The following PDZD7 variants were observed in gnomAD, a reference collection of about 807,000 sequenced individuals.
PDZD7 encodes PDZ domain-containing protein 7.
PDZD7 carries 72 observed loss-of-function variants against 84.7 expected under a neutral mutation model. The ratio of observed to expected loss-of-function variants is 0.85; its 90% CI spans 0.70 to 1.03. The LOEUF (loss-of-function observed/expected upper bound fraction) is 1.03. PDZD7 is among the 50% of genes least tolerant of loss of function. The pLI, the probability that PDZD7 is intolerant of heterozygous loss-of-function variation, is 0.00. For missense variants in PDZD7, 1,490 were observed against 1,412.9 expected (o/e 1.05, Z -0.87); for synonymous variants, 594 against 580.7 (o/e 1.02, Z -0.33).
intron 2 of PDZD7, among the ~76,000 whole-genome samples, chr10:101,029,783 C>T (rs1390967932): frequency 3.9e-5 from 6 of 152,150 alleles, no homozygotes; most frequent in African/African-American, 1.2e-4. Flanking sequence ...GACCCTTCTA[C>T]GACCCTGGAC....
At chr10:101,030,421 A>C in intron 1 of PDZD7, 37 bp from the exon 2 acceptor site, 1 of 684,230 alleles carries the variant, frequency 1.5e-6, no homozygotes, top group South Asian at 1.5e-5. Flanking sequence ...AGGGGTGTAA[A>C]TGTTTCCCCT....
intron 3 of PDZD7, 44 bp downstream of exon 3, chr10:101,023,884 A>G: frequency 6.2e-7 from 1 of 1,613,978 alleles, no homozygotes; most frequent in Non-Finnish European, 8.5e-7. Context: ...CTGAGATTGG[A>G]GTCACATCCT....
At position 101,019,031 on chromosome 10, in the gene PDZD7, G is replaced by A. The variant is rs377765391; in HGVS notation, c.1115C>T (p.Thr372Met). The A allele has an allele frequency of 3.9e-5, 61 of 1,573,398 alleles. No homozygotes were observed. The highest frequency in any genetic ancestry group is 5.0e-5 in the Non-Finnish European group (58 of 1,163,614). The change falls in exon 8 of 17, where the codon ACG becomes ATG. Residue 372 changes from threonine (T) to methionine (M), a missense_variant. Thr to Met is a moderately conservative substitution (Grantham distance 81, BLOSUM62 -1). Transcript: ENST00000619208. ...CACCCGGCCTCCCGCATCGGGCTCCGTCTGCATGGCTGTGTCCGCCCGCCC... is the reference window on the plus strand; with the variant it reads ...CACCCGGCCTCCCGCATCGGGCTCCATCTGCATGGCTGTGTCCGCCCGCCC... ...GWGRADTAMQ[T>M]EPDAGGRVET...
At chr10:101,025,659 T>C (rs891834615) in intron 2 of PDZD7, among the ~76,000 whole-genome samples, 1 of 151,732 alleles carries the variant, frequency 6.6e-6, no homozygotes, top group Non-Finnish European at 1.5e-5. Context: ...GCTATTCTCC[T>C]GCCTCAGCCT....
chr10:101,012,994 C>T (rs369053610), intron 11 of PDZD7, among the ~76,000 whole-genome samples: 2 of 152,210 alleles, frequency 1.3e-5, no homozygotes, highest in African/African-American at 4.8e-5. Context: ...GACAGCACAT[C>T]GCCCCCTCGT....
At chr10:101,012,145 C>T in intron 12 of PDZD7, 22 bp downstream of exon 12, 1 of 1,548,736 alleles carries the variant, frequency 6.5e-7, no homozygotes, top group Non-Finnish European at 8.7e-7. Context: ...GCCCCCAAGC[C>T]CTCTCTGCAA....
In PDZD7 at chr10:101,018,348, G is replaced by C. The variant is rs528138017; in HGVS notation, c.1325-52C>G. Reference sequence around the variant, plus strand: ...AGCTGGAGGGGTGGGCAGAAGGGAAGGACGAGGGGCAGGGGTGTGGGGAGG... The same window carrying C: ...AGCTGGAGGGGTGGGCAGAAGGGAACGACGAGGGGCAGGGGTGTGGGGAGG... On this transcript the variant is annotated intron_variant, in intron 8 of 16. Transcript: ENST00000619208. 8.3e-5 allele frequency: 133 copies of C among 1,596,948 alleles called. No homozygotes were observed. In the African/African-American group the frequency reaches 1.5e-3, roughly 18 times the overall value.
intron 10 of PDZD7, 146 bp from the exon 11 acceptor site, chr10:101,015,957 CTG>C: frequency 2.3e-6 from 2 of 873,484 alleles, no homozygotes. Flanking sequence ...CCACAGCAAC[CTG>C]CCCACCAATG....
intron 6 of PDZD7, among the ~76,000 whole-genome samples, chr10:101,021,360 A>G (rs1826737781): frequency 6.6e-6 from 1 of 152,158 alleles, no homozygotes; most frequent in African/African-American, 2.4e-5. Flanking sequence ...GACCCACATG[A>G]ATAATGAATC....
At position 101,008,858 on chromosome 10, in the gene PDZD7, G is replaced by A. The variant is rs1432490054; in HGVS notation, c.2719-8C>T. The A allele has an allele frequency of 2.0e-6, 3 of 1,479,496 alleles. No individual in the cohort carries two copies. Among genetic ancestry groups the A allele is most frequent in the Admixed American group, 2.2e-5 (1 of 45,764 alleles). The allele number at this position is 1,479,496 out of a possible 1,614,324, so 91.6% of individuals were successfully genotyped here. A position where few individuals can be genotyped will look rare whatever the true frequency, so the allele number is the denominator to read the frequency against. ...CACAAGCTCGAAGCCAGCCTAGGGT[G>A]GGGTGAGAGAGTCACATCCCTCCCT... is the stretch of plus-strand genomic sequence containing the variant. On this transcript the variant is annotated splice_polypyrimidine_tract_variant and splice_region_variant and intron_variant, in intron 16 of 16. Transcript: ENST00000619208.
chr10:101,023,680 G>A, intron 3 of PDZD7, 70 bp from the exon 4 acceptor site: 1 of 1,562,508 alleles, frequency 6.4e-7, no homozygotes, highest in Non-Finnish European at 8.7e-7. Context: ...ATCAGATGGA[G>A]CTCCCTGGGG....
intron 15 of PDZD7, among the ~76,000 whole-genome samples, 180 bp downstream of exon 15, chr10:101,010,092 G>A (rs1040943801): frequency 9.2e-5 from 14 of 151,786 alleles, no homozygotes; most frequent in Non-Finnish European, 2.1e-4. Context: ...ACGGGGTTTC[G>A]CCATGTAGCC....
intron 9 of PDZD7, among the ~76,000 whole-genome samples, 194 bp from the exon 10 acceptor site, chr10:101,016,621 A>G (rs1330371254): frequency 3.3e-5 from 5 of 152,272 alleles, no homozygotes; most frequent in Non-Finnish European, 7.3e-5. Flanking sequence ...ATGGGGAGTC[A>G]GGACGGTTTT....
chr10:101,026,886 G>A (rs1441813758), intron 2 of PDZD7, among the ~76,000 whole-genome samples: 2 of 152,004 alleles, frequency 1.3e-5, no homozygotes, highest in African/African-American at 4.8e-5. Context: ...TAGCCAAGGA[G>A]CCTTTTACTC....
chr10:101,008,823 C>T lies in PDZD7; in HGVS notation c.2746G>A (p.Gly916Arg), dbSNP rs1052443941. The T allele has an allele frequency of 3.5e-5, 53 of 1,512,000 alleles. No individual in the cohort carries two copies. The highest frequency in any genetic ancestry group is 1.1e-4 in the South Asian group (9 of 81,694). The allele number at this position is 1,512,000 out of a possible 1,614,324, so 93.7% of individuals were successfully genotyped here. A position where few individuals can be genotyped will look rare whatever the true frequency, so the allele number is the denominator to read the frequency against. The stretch of plus-strand genomic sequence containing the variant: ...TGGGTCACCTGCTCTAGATTCTCTC[C>T]GTCCACTGCCACAAGCTCGAAGCCA... ...QAGFELVAVD[G>R]ENLEQVTHQR... Residue 916 changes from glycine (G) to arginine (R), a missense_variant, in exon 17 of 17, where the codon GGA (glycine) becomes AGA (arginine). Physicochemically the swap from Gly to Arg is moderately radical, Grantham distance 125. Transcript: ENST00000619208.
At position 101,030,584 on chromosome 10, in the gene PDZD7, C is replaced by A. The variant is rs193059848; in HGVS notation, c.-165-200G>T. ...TGACTTTATACAAGGCAGGTGGGAA[C>A]CTTTCACCCCTCATTCCTGCTCGGG... is the stretch of plus-strand genomic sequence containing the variant. On this transcript the variant is annotated intron_variant, in intron 1 of 16. Transcript: ENST00000619208. 350 of 432,668 alleles carry A rather than the reference C, an allele frequency of 8.1e-4. 1 individual carries two copies. Among genetic ancestry groups the A allele is most frequent in the Non-Finnish European group, 1.4e-3 (316 of 230,060 alleles). The allele number at this position is 432,668 out of a possible 1,614,324, so 26.8% of individuals were successfully genotyped here.
rs1000893896 is a variant in PDZD7, at chr10:101,008,665, G to T, written c.2904C>A (p.Gly968=). The part of the protein sequence containing the change: ...PSDSSALTDG[G]LPADHLPAHQ... ...GGGCAGGCAAGTGGTCAGCAGGAAGGCCCCCATCAGTAAGGGCTGATGAGT... is the reference window on the plus strand; with the variant it reads ...GGGCAGGCAAGTGGTCAGCAGGAAGTCCCCCATCAGTAAGGGCTGATGAGT... The change falls in exon 17 of 17, where the codon GGC becomes GGA. Residue 968 remains glycine, a synonymous_variant. Coordinates refer to ENST00000619208, the MANE Select transcript of PDZD7 (RefSeq NM_001195263.2). The T allele has an allele frequency of 3.3e-6, 5 of 1,535,900 alleles. No individual in the cohort carries two copies. In the African/African-American group the frequency reaches 5.5e-5, roughly 17 times the overall value.
At chr10:101,023,863 C>G (rs1271318912) in intron 3 of PDZD7, 65 bp downstream of exon 3, 1 of 1,611,888 alleles carries the variant, frequency 6.2e-7, no homozygotes, top group Non-Finnish European at 8.5e-7. Context: ...AGCAGCATCC[C>G]CTGCCATTCA....
chr10:101,025,294 C>T (rs1395207585), intron 2 of PDZD7, among the ~76,000 whole-genome samples: 1 of 152,066 alleles, frequency 6.6e-6, no homozygotes, highest in South Asian at 2.1e-4. Flanking sequence ...ACTGCAACTT[C>T]GGCCTCCCAG....
Sources: gnomAD v4.1 joint callset for allele counts (sites outside exome capture counted in the v4.1 genomes callset) on GRCh38, gnomAD v4.1.1 for gene constraint, MANE v1.5 for transcripts, NCBI Gene and HGNC (gene_info 2026-07-23, HGNC 2026-07-21) for gene names.